CCZ1B: variants seen among roughly 807,000 people sequenced by gnomAD.
CCZ1B encodes the protein vacuolar fusion protein CCZ1 homolog B.
A neutral mutation model predicts 58.8 loss-of-function variants in CCZ1B; 25 were observed. That is an observed-to-expected ratio of 0.43 (90% confidence interval 0.31 to 0.59). The LOEUF is 0.59. Among genes scored for constraint, CCZ1B ranks in the 20% least tolerant of loss-of-function variants. The pLI, the probability that CCZ1B is intolerant of heterozygous loss-of-function variation, is 0.12. For synonymous variants in CCZ1B, 66 were observed against 173.2 expected (o/e 0.38, Z 4.86); for missense variants, 180 against 501.5 (o/e 0.36, Z 6.12).
intron 11 of CCZ1B, 174 bp downstream of exon 11, chr7:6,805,830 A>G: frequency 1.7e-6 from 1 of 579,244 alleles, no homozygotes. Context: ...TGAACCCAGG[A>G]GGTCGAGGCT....
At chr7:6,821,952 A>T (rs906575010) in intron 6 of CCZ1B, among the ~76,000 whole-genome samples, 2 of 149,620 alleles carry the variant, frequency 1.3e-5, no homozygotes, top group Non-Finnish European at 1.5e-5. Flanking sequence ...TTATCAACTA[A>T]TCTATCACAC....
Position 6,800,671 on chromosome 7 carries a change from A to T in CCZ1B, c.1393+277T>A, listed in dbSNP as rs1782752182. On this transcript the variant is annotated intron_variant, in intron 14 of 14. Transcript: ENST00000316731. ...GTGACAAAGTGAGAACCTGTCTCCA[A>T]AAAAAGGGGGACATTTCTTAATATA... 3.5e-5 allele frequency among the ~76,000 whole-genome samples: 5 copies of T among 142,940 alleles called. No homozygotes were observed. In the Admixed American group the frequency reaches 3.5e-4, roughly 10 times the overall value. 93.8% of individuals were successfully genotyped at this position (142,940 alleles called of 152,430 possible).
At chr7:6,812,358 G>A in intron 9 of CCZ1B, 1 of 380,448 alleles carries the variant, frequency 2.6e-6, no homozygotes, top group Non-Finnish European at 5.0e-6. Flanking sequence ...TTCTGGTGGT[G>A]GGCACCTGCA....
rs1783158951 is a variant in CCZ1B at position 6,824,171 on chromosome 7, A to G, written c.313-5T>C. The G allele has an allele frequency of 2.1e-6, 3 of 1,412,014 alleles. No individual in the cohort carries two copies. Among genetic ancestry groups the G allele is most frequent in the African/African-American group, 1.5e-5 (1 of 64,770 alleles). The allele number at this position is 1,412,014 out of a possible 1,614,324, so 87.5% of individuals were successfully genotyped here. A position where few individuals can be genotyped will look rare whatever the true frequency, so the allele number is the denominator to read the frequency against. ...AATTATAGGATTCCGAACAACCTAC[A>G]AAGTTTGATAAACTGAAATTATACA... On this transcript the variant is annotated splice_region_variant and splice_polypyrimidine_tract_variant and intron_variant, in intron 3 of 14. Transcript: ENST00000316731.
At chr7:6,803,454 C>CA (rs1235319792) in intron 12 of CCZ1B, among the ~76,000 whole-genome samples, 2 of 41,846 alleles carry the variant, frequency 4.8e-5, no homozygotes, top group Non-Finnish European at 8.9e-5. Flanking sequence ...TGAATGAACT[C>CA]AGGGGCTGGA....
At chr7:6,821,620 G>C (rs1783112045) in intron 6 of CCZ1B, among the ~76,000 whole-genome samples, 3 of 151,394 alleles carry the variant, frequency 2.0e-5, no homozygotes, top group Admixed American at 2.0e-4. Flanking sequence ...AGGCGAGTTG[G>C]CTCACGCCTT....
At chr7:6,808,688 T>C (rs969077981) in intron 10 of CCZ1B, among the ~76,000 whole-genome samples, 3 of 151,276 alleles carry the variant, frequency 2.0e-5, no homozygotes, top group Non-Finnish European at 4.4e-5. Flanking sequence ...TTTATTGCAG[T>C]AGAGTGTCAT....
In CCZ1B at chr7:6,802,000, G is replaced by A. The variant is rs1230167312; in HGVS notation, c.1107-477C>T. On this transcript the variant is annotated intron_variant, in intron 12 of 14. Coordinates refer to ENST00000316731, the MANE Select transcript of CCZ1B (RefSeq NM_198097.5). ...TTTAACACGTATCTACATATAGCCC[G>A]TGACATCTGAGATACTTATTATTGG... 6.3e-5 allele frequency among the ~76,000 whole-genome samples: 7 copies of A among 111,612 alleles called. 2 individuals carry two copies. Among genetic ancestry groups the A allele is most frequent in the African/African-American group, 9.9e-5 (3 of 30,356 alleles). 73.2% of individuals were successfully genotyped at this position (111,612 alleles called of 152,430 possible). A position where few individuals can be genotyped will look rare whatever the true frequency, so the allele number is the denominator to read the frequency against.
At chr7:6,821,582 G>C (rs62442264) in intron 6 of CCZ1B, among the ~76,000 whole-genome samples, 2,472 of 135,382 alleles carry the variant, frequency 0.018, 1 homozygote, top group South Asian at 0.026. Context: ...AATAAATTGA[G>C]AATTGTTGCT....
At chr7:6,811,752 C>T (rs1462119031) in intron 10 of CCZ1B, 200 bp downstream of exon 10, 1 of 702,060 alleles carries the variant, frequency 1.4e-6, no homozygotes, top group Non-Finnish European at 2.2e-6. Flanking sequence ...TCCTCTTTCA[C>T]TAATAACAGA....
chr7:6,800,107 C>CCACA (rs1379745434), intron 14 of CCZ1B, among the ~76,000 whole-genome samples: 5 of 109,210 alleles, frequency 4.6e-5, no homozygotes, highest in Non-Finnish European at 9.2e-5. Context: ...CACTGAATTT[C>CCACA]CACACAGTGT....
At chr7:6,818,605 A>C (rs796849774) in intron 7 of CCZ1B, among the ~76,000 whole-genome samples, 8 of 124,388 alleles carry the variant, frequency 6.4e-5, no homozygotes, top group Non-Finnish European at 1.2e-4. Flanking sequence ...GAAAGAAAGA[A>C]AGAAAGAAAG....
intron 7 of CCZ1B, among the ~76,000 whole-genome samples, chr7:6,819,472 G>C (rs990417045): frequency 2.7e-5 from 4 of 149,108 alleles, no homozygotes; most frequent in African/African-American, 7.6e-5. Context: ...CTGACCTCGT[G>C]ATTCACCTGC....
chr7:6,823,515 CTTTTTTT>C lies in CCZ1B; in HGVS notation c.391-162_391-156del, dbSNP rs897480782. 7.5e-4 allele frequency among the ~76,000 whole-genome samples: 79 copies of C among 104,878 alleles called. 4 individuals are homozygous for C. The highest frequency in any genetic ancestry group is 5.5e-3 in the Middle Eastern group (1 of 182). 68.8% of individuals were successfully genotyped at this position (104,878 alleles called of 152,430 possible). On this transcript the variant is annotated intron_variant, in intron 4 of 14. Transcript: ENST00000316731. ...CGTGCTGAAAAAAAGTGTTTGCGTTCTTTTTTTTTTTTTTTTTTTTTGAGATGGAGTC... is the reference window on the plus strand; with the variant it reads ...CGTGCTGAAAAAAAGTGTTTGCGTTCTTTTTTTTTTTTTTGAGATGGAGTC...
chr7:6,816,484 C>CA (rs558239516), intron 7 of CCZ1B, among the ~76,000 whole-genome samples: 1,824 of 111,328 alleles, frequency 0.016, 45 homozygotes, highest in African/African-American at 0.019. Flanking sequence ...GACTCAGTCT[C>CA]AAAAAAAAAA....
At chr7:6,822,963 C>A (rs946797498) in intron 5 of CCZ1B, among the ~76,000 whole-genome samples, 1 of 146,418 alleles carries the variant, frequency 6.8e-6, no homozygotes, top group Non-Finnish European at 1.5e-5. Context: ...ACCTTAGCCT[C>A]CCAGAATGCT....
intron 6 of CCZ1B, among the ~76,000 whole-genome samples, chr7:6,820,747 C>A (rs1310825441): frequency 6.7e-6 from 1 of 148,632 alleles, no homozygotes; most frequent in East Asian, 2.0e-4. Flanking sequence ...CATGGCAAAA[C>A]CCCGTCTCTA....
chr7:6,812,098 G>A (rs754268107), intron 9 of CCZ1B, 35 bp from the exon 10 acceptor site: 14 of 870,850 alleles, frequency 1.6e-5, no homozygotes, highest in South Asian at 1.5e-4. Context: ...TTGATTCAAC[G>A]AGGTGAAGGA....
chr7:6,823,642 C>T (rs1783150220), intron 4 of CCZ1B, among the ~76,000 whole-genome samples: 1 of 151,226 alleles, frequency 6.6e-6, no homozygotes, highest in East Asian at 1.9e-4. Flanking sequence ...CCTCAGCCTC[C>T]TGAGAAGCCG....
Sources: gnomAD v4.1 joint callset for allele counts (sites outside exome capture counted in the v4.1 genomes callset) on GRCh38, gnomAD v4.1.1 for gene constraint, MANE v1.5 for transcripts, NCBI Gene and HGNC (gene_info 2026-07-23, HGNC 2026-07-21) for gene names.